The following KIF4A variants were observed in gnomAD, a reference collection of about 807,000 sequenced individuals.
KIF4A encodes the protein chromosome-associated kinesin KIF4A.
In KIF4A, 7 loss-of-function variants were observed where a neutral mutation model predicts 105.9. That is an observed-to-expected ratio of 0.07 (90% confidence interval 0.04 to 0.12). The LOEUF is 0.12. KIF4A is among the 10% of genes least tolerant of loss of function. The pLI, the probability that KIF4A is intolerant of heterozygous loss-of-function variation, is 1.00. For missense variants in KIF4A, 558 were observed against 929.2 expected, an observed-to-expected ratio of 0.60 and a Z score of 5.19; for synonymous variants, 281 against 331.3, an observed-to-expected ratio of 0.85 and a Z score of 1.65.
At chrX:70,291,367 G>A (rs1280994619) in intron 3 of KIF4A, among the ~76,000 whole-genome samples, 3 of 111,307 alleles carry the variant, frequency 2.7e-5, no homozygotes, top group Admixed American at 1.9e-4. Context: ...ACAAAAGGAT[G>A]GCTCTAACTC....
chrX:70,381,170 A>AT (rs1014332670), intron 18 of KIF4A, among the ~76,000 whole-genome samples: 9 of 111,768 alleles, frequency 8.1e-5, no homozygotes, highest in African/African-American at 2.9e-4. Flanking sequence ...AACAAAAAAA[A>AT]CAAAAGGAAA....
chrX:70,371,389 A>C (rs967886534), intron 15 of KIF4A, among the ~76,000 whole-genome samples: 2 of 111,087 alleles, frequency 1.8e-5, no homozygotes, highest in African/African-American at 3.3e-5. Context: ...CTACACAGAC[A>C]CGGCAACCAT....
At chrX:70,346,801 A>AT (rs2085994890) in intron 13 of KIF4A, among the ~76,000 whole-genome samples, 1 of 111,476 alleles carries the variant, frequency 9.0e-6, no homozygotes, top group Admixed American at 9.5e-5. Flanking sequence ...CCAGCTATAT[A>AT]TTTTTTTGGA....
At chrX:70,336,645 C>T (rs1423028286) in intron 10 of KIF4A, among the ~76,000 whole-genome samples, 1 of 111,697 alleles carries the variant, frequency 9.0e-6, no homozygotes, top group East Asian at 2.8e-4. Flanking sequence ...TTAAGGGCCA[C>T]TTTTATCCCT....
chrX:70,372,128 C>T (rs1440476665), intron 15 of KIF4A, among the ~76,000 whole-genome samples: 2 of 103,472 alleles, frequency 1.9e-5, no homozygotes, highest in South Asian at 4.7e-4. Context: ...GATGGGATGG[C>T]GGCCGGCAGA....
chrX:70,379,872 C>T (rs771779249), intron 18 of KIF4A, among the ~76,000 whole-genome samples: 4 of 110,470 alleles, frequency 3.6e-5, no homozygotes, highest in Non-Finnish European at 7.6e-5. Flanking sequence ...CACTTCCCAA[C>T]TCATTCCATG....
chrX:70,292,928 A>T (rs1287794728), intron 3 of KIF4A, among the ~76,000 whole-genome samples: 1 of 112,493 alleles, frequency 8.9e-6, no homozygotes, highest in South Asian at 3.6e-4. Context: ...TTGCAAAAAC[A>T]AAGTCAATAT....
At chrX:70,352,297 T>C (rs763856663) in intron 13 of KIF4A, among the ~76,000 whole-genome samples, 1 of 111,665 alleles carries the variant, frequency 9.0e-6, no homozygotes, top group Admixed American at 9.5e-5. Flanking sequence ...CCTTTTGGAA[T>C]GGCTAAATGT....
intron 15 of KIF4A, among the ~76,000 whole-genome samples, chrX:70,368,493 T>G (rs1307221457): frequency 8.9e-6 from 1 of 112,447 alleles, no homozygotes; most frequent in Non-Finnish European, 1.9e-5. Context: ...TGCAGGTATG[T>G]TGGAGTTTGC....
Position 70,386,696 on chromosome X carries a change from G to C in KIF4A, c.2113G>C (p.Glu705Gln). ...ATCCAATGTGCTCAGACGTAAAACGGAGGAGGTAAGAAAATTCAATCTGCT... is the reference window on the plus strand; with the variant it reads ...ATCCAATGTGCTCAGACGTAAAACGCAGGAGGTAAGAAAATTCAATCTGCT... ...KQSNVLRRKTEEAAAANKRLK... is the reference protein window; with the variant it reads ...KQSNVLRRKTQEAAAANKRLK... The change falls in exon 19 of 31, where the codon GAG becomes CAG. Residue 705 changes from glutamate (E) to glutamine (Q), a missense_variant. By Grantham distance (29) the Glu-to-Gln change is conservative. This residue lies in a region of KIF4A where 469 missense variants were observed against 680.4 expected (regional missense o/e 0.69). Transcript: ENST00000374403. The C allele has an allele frequency of 8.4e-7, 1 of 1,189,828 alleles. No homozygotes were observed. The highest frequency in any genetic ancestry group is 1.1e-6 in the Non-Finnish European group (1 of 875,826).
At chrX:70,364,593 G>A (rs1465907766) in intron 15 of KIF4A, among the ~76,000 whole-genome samples, 1 of 108,210 alleles carries the variant, frequency 9.2e-6, no homozygotes, top group African/African-American at 3.4e-5. Context: ...CTGTTCCATT[G>A]ATCTATATCT....
At chrX:70,404,165 A>G in intron 24 of KIF4A, 131 bp downstream of exon 24, 3 of 683,003 alleles carry the variant, frequency 4.4e-6, no homozygotes, top group Non-Finnish European at 6.6e-6. Flanking sequence ...TTTGCAAATA[A>G]AAAGAAACCT....
chrX:70,379,944 T>C (rs959996234), intron 18 of KIF4A, among the ~76,000 whole-genome samples: 3 of 111,103 alleles, frequency 2.7e-5, no homozygotes, highest in African/African-American at 9.8e-5. Flanking sequence ...TACAGACCAA[T>C]ATATCTTAAT....
chrX:70,420,010 G>C, intron 30 of KIF4A, 52 bp from the exon 31 acceptor site: 1 of 1,132,638 alleles, frequency 8.8e-7, no homozygotes, highest in East Asian at 3.0e-5. Context: ...CGGCTGGGCT[G>C]AGCTTCTGCC....
intron 3 of KIF4A, among the ~76,000 whole-genome samples, chrX:70,295,316 C>T (rs2085777507): frequency 9.2e-6 from 1 of 109,219 alleles, no homozygotes; most frequent in Admixed American, 9.7e-5. Flanking sequence ...GCTGGGACCA[C>T]AGGCGCCCAC....
At chrX:70,381,266 G>A (rs1328078918) in intron 18 of KIF4A, among the ~76,000 whole-genome samples, 1 of 111,050 alleles carries the variant, frequency 9.0e-6, no homozygotes, top group Non-Finnish European at 1.9e-5. Flanking sequence ...GGCTGGGTGT[G>A]GTGGCTCACG....
In KIF4A at chrX:70,353,711, G is replaced by A; in HGVS notation, c.1578G>A (p.Leu526=). The A allele has an allele frequency of 8.3e-7, 1 of 1,210,212 alleles. No homozygotes were observed. The highest frequency in any genetic ancestry group is 1.1e-6 in the Non-Finnish European group (1 of 894,771). The change falls in exon 15 of 31, where the codon CTG becomes CTA. Residue 526 remains leucine, a synonymous_variant. Transcript: ENST00000374403. ...GTCAAGCGCAGATGTCTAAGGAGCT[G>A]GTTGAGTTGAATAAAGCGCTTGCAC... The part of the protein sequence containing the change: ...ALRQAQMSKE[L]VELNKALALK...
chrX:70,366,258 G>T (rs2086102974), intron 15 of KIF4A, among the ~76,000 whole-genome samples: 1 of 110,273 alleles, frequency 9.1e-6, no homozygotes, highest in African/African-American at 3.3e-5. Context: ...CTTCATTTCT[G>T]CTCTGATCTT....
Position 70,290,714 on chromosome X carries a change from C to T in KIF4A, c.144C>T (p.Ser48=). ...EPQVVVGTDK[S]FTYDFVFDPS... ...AGGTGGTGGTTGGTACAGATAAATC[C>T]TTCACCTACGATTTTGTATTTGATC... The change falls in exon 3 of 31, where the codon TCC becomes TCT. Residue 48 remains serine (S), a synonymous_variant. Transcript: ENST00000374403. 8.3e-7 allele frequency: 1 copy of T among 1,209,487 alleles called. No homozygotes were observed. The highest frequency in any genetic ancestry group is 1.1e-6 in the Non-Finnish European group (1 of 893,499).
Sources: allele counts gnomAD v4.1 joint callset (sites outside exome capture counted in the v4.1 genomes callset), GRCh38; gene constraint gnomAD v4.1.1; regional missense constraint gnomAD v4.1.1; transcripts MANE v1.5; gene names NCBI Gene and HGNC (gene_info 2026-07-23, HGNC 2026-07-21).